Variants in CNIH3 observed in about 807,000 individuals in gnomAD.
The protein encoded by CNIH3 is cornichon family AMPA receptor auxiliary protein 3.
Under a neutral mutation model 24.1 loss-of-function variants are expected in CNIH3, and 14 were observed. The observed-to-expected ratio is 0.58, with a 90% CI of 0.38 to 0.91. CNIH3 has a LOEUF of 0.91. Ranked by LOEUF, CNIH3 falls within the 40% of genes least tolerant of loss-of-function variation. CNIH3 has a pLI of 0.00. For missense variants in CNIH3, 178 were observed against 196.8 expected (o/e 0.90, Z 0.57); for synonymous variants, 68 against 73.8 (o/e 0.92, Z 0.40).
chr1:224,622,751 TGCCTATACTG>T (rs1683340834), intron 1 of CNIH3, among the ~76,000 whole-genome samples: 1 of 152,228 alleles, frequency 6.6e-6, no homozygotes, highest in Non-Finnish European at 1.5e-5. Flanking sequence ...TTGGAGCTCT[TGCCTATACTG>T]GCCCTGAAGC....
rs1017667114 is a variant in CNIH3, at chr1:224,460,865, G to A, written n.203+26003G>A. On this transcript the variant is annotated intron_variant and non_coding_transcript_variant, in intron 1 of 5. Transcript: ENST00000471578. The stretch of plus-strand genomic sequence containing the variant: ...GCTCACTATGGCCTTAAACTCCTGG[G>A]CACAAACAGTCCTCCCACCTCAGCC... 5.9e-5 allele frequency among the ~76,000 whole-genome samples: 9 copies of A among 151,924 alleles called. No individual in the cohort carries two copies. The East Asian group carries it at 1.7e-3, about 29-fold the overall frequency.
Position 224,579,385 on chromosome 1 carries a change from G to A in CNIH3, n.517-3779G>A, listed in dbSNP as rs1681175904. 2.0e-5 allele frequency among the ~76,000 whole-genome samples: 3 copies of A among 152,156 alleles called. No individual in the cohort carries two copies. In the South Asian group the frequency reaches 6.2e-4, roughly 32 times the overall value. ...ACTCTGAGCATGTTGGGTGTGACTT[G>A]TCAAATGTGGGTTTTACTAGGCTGG... On this transcript the variant is annotated intron_variant and non_coding_transcript_variant, in intron 4 of 5. Coordinates refer to the CNIH3 transcript ENST00000471578.
intron 3 of CNIH3, among the ~76,000 whole-genome samples, chr1:224,705,507 C>G (rs1468306964): frequency 1.3e-5 from 2 of 152,252 alleles, no homozygotes; most frequent in Non-Finnish European, 2.9e-5. Context: ...TCTGGTGGCT[C>G]AGCACCTTCA....
At chr1:224,437,797 T>C (rs1447279300) in intron 1 of CNIH3, among the ~76,000 whole-genome samples, 1 of 152,198 alleles carries the variant, frequency 6.6e-6, no homozygotes, top group Non-Finnish European at 1.5e-5. Context: ...CTGTAGGCCA[T>C]TGTCAAAAAA....
intron 1 of CNIH3, among the ~76,000 whole-genome samples, chr1:224,465,104 G>A (rs1361243898): frequency 6.7e-6 from 1 of 150,150 alleles, no homozygotes; most frequent in African/African-American, 2.5e-5. Context: ...AAGATAGTTA[G>A]AATTATCTTT....
At chr1:224,578,469 T>G (rs945489707) in intron 4 of CNIH3, among the ~76,000 whole-genome samples, 12 of 152,178 alleles carry the variant, frequency 7.9e-5, no homozygotes, top group African/African-American at 2.9e-4. Flanking sequence ...TTCACCATTA[T>G]CCTAGAAATT....
At chr1:224,477,609 ACTGT>A (rs1175236422) in intron 1 of CNIH3, among the ~76,000 whole-genome samples, 1 of 152,290 alleles carries the variant, frequency 6.6e-6, no homozygotes. Context: ...ATTTTATTAT[ACTGT>A]CTATGTCATG....
chr1:224,522,606 G>A (rs2124916961), intron 2 of CNIH3, among the ~76,000 whole-genome samples: 1 of 152,284 alleles, frequency 6.6e-6, no homozygotes, highest in Middle Eastern at 3.4e-3. Context: ...AATAGTGAGA[G>A]GAAGAGATTG....
intron 2 of CNIH3, among the ~76,000 whole-genome samples, chr1:224,526,413 C>A (rs997993520): frequency 6.6e-6 from 1 of 152,160 alleles, no homozygotes; most frequent in African/African-American, 2.4e-5. Context: ...CATGTGAGGA[C>A]ACAGCAACAA....
At chr1:224,435,519 A>C (rs1343195484) in intron 1 of CNIH3, among the ~76,000 whole-genome samples, 1 of 151,806 alleles carries the variant, frequency 6.6e-6, no homozygotes, top group Non-Finnish European at 1.5e-5. Context: ...TTGAGGCTTC[A>C]CTCTTTTTTA....
intron 3 of CNIH3, among the ~76,000 whole-genome samples, chr1:224,726,191 C>A (rs1689016449): frequency 6.6e-6 from 1 of 152,120 alleles, no homozygotes; most frequent in Admixed American, 6.5e-5. Flanking sequence ...CTTGCACCAG[C>A]CTGGAGAGGA....
chr1:224,730,831 C>T (rs1014717186), intron 4 of CNIH3, among the ~76,000 whole-genome samples: 3 of 152,160 alleles, frequency 2.0e-5, no homozygotes, highest in Admixed American at 2.0e-4. Context: ...GTTGCATTCA[C>T]AACAGCCAAA....
At chr1:224,673,511 C>G (rs1043321843) in intron 1 of CNIH3, among the ~76,000 whole-genome samples, 2 of 152,238 alleles carry the variant, frequency 1.3e-5, no homozygotes, top group African/African-American at 4.8e-5. Context: ...TCTTCCCAGA[C>G]CTTTCCATGT....
chr1:224,529,027 G>A (rs1678956178), intron 2 of CNIH3, among the ~76,000 whole-genome samples: 1 of 152,186 alleles, frequency 6.6e-6, no homozygotes, highest in Admixed American at 6.5e-5. Flanking sequence ...TACCATTTGG[G>A]GGAAGAGGAG....
At chr1:224,601,962 C>G (rs1318949291) in intron 3 of CNIH3, among the ~76,000 whole-genome samples, 1 of 152,216 alleles carries the variant, frequency 6.6e-6, no homozygotes, top group Non-Finnish European at 1.5e-5. Flanking sequence ...CAAGCACCAG[C>G]ACTATCTGAA....
intron 2 of CNIH3, among the ~76,000 whole-genome samples, chr1:224,532,083 T>C (rs1679094347): frequency 6.6e-6 from 1 of 152,020 alleles, no homozygotes; most frequent in Non-Finnish European, 1.5e-5. Context: ...GATGTACTTA[T>C]AAGGTATGGT....
chr1:224,516,353 C>T (rs1411807468), intron 1 of CNIH3, among the ~76,000 whole-genome samples: 5 of 149,266 alleles, frequency 3.3e-5, no homozygotes, highest in African/African-American at 1.2e-4. Flanking sequence ...CCATGCACTT[C>T]GGCTTGGCAC....
chr1:224,511,786 C>T (rs569800718), upstream of CNIH3, among the ~76,000 whole-genome samples: 52 of 152,166 alleles, frequency 3.4e-4, no homozygotes, highest in Non-Finnish European at 4.7e-4. Flanking sequence ...TTTAGGAGGG[C>T]GAGGCTGCAG....
rs187381977 is a variant in CNIH3 at position 224,685,175 on chromosome 1, G to T, written c.198+332G>T. Reference sequence around the variant, plus strand: ...TATTGCCACAGAGCCTTTGTTCTGTGTGGGGCTGGGCTCAGGAACACTCCC... The same window carrying T: ...TATTGCCACAGAGCCTTTGTTCTGTTTGGGGCTGGGCTCAGGAACACTCCC... On this transcript the variant is annotated intron_variant, in intron 3 of 5. Transcript: ENST00000272133. 1.7e-4 allele frequency among the ~76,000 whole-genome samples: 26 copies of T among 152,334 alleles called. No individual in the cohort carries two copies. In the East Asian group the frequency reaches 2.5e-3, roughly 15 times the overall value.
Sources: gnomAD v4.1 joint callset for allele counts (sites outside exome capture counted in the v4.1 genomes callset) on GRCh38, gnomAD v4.1.1 for gene constraint, MANE v1.5 for transcripts, NCBI Gene and HGNC (gene_info 2026-07-23, HGNC 2026-07-21) for gene names.